Variants in ATP11C observed in about 807,000 individuals in gnomAD.
ATP11C encodes the protein phospholipid-transporting ATPase IG.
In ATP11C, 36 loss-of-function variants were observed where a neutral mutation model predicts 97.4. The ratio of observed to expected loss-of-function variants is 0.37; its 90% confidence interval spans 0.28 to 0.49. ATP11C has a LOEUF of 0.49. ATP11C is among the 20% of genes least tolerant of loss of function. ATP11C has a pLI of 0.98. For synonymous variants in ATP11C, 275 were observed against 290.9 expected (o/e 0.95, Z 0.56); for missense variants, 730 against 824.6 (o/e 0.89, Z 1.40).
At chrX:139,796,985 A>C (rs1296451627) in intron 11 of ATP11C, among the ~76,000 whole-genome samples, 191 bp downstream of exon 11, 3 of 110,332 alleles carry the variant, frequency 2.7e-5, no homozygotes, top group Admixed American at 9.6e-5. Context: ...TTTTTTTTAC[A>C]AAAAAAACTT....
At chrX:139,749,257 C>T (rs186830996) in intron 24 of ATP11C, among the ~76,000 whole-genome samples, 1 of 111,921 alleles carries the variant, frequency 8.9e-6, no homozygotes, top group African/African-American at 3.2e-5. Context: ...CTAACAATTG[C>T]TAAATGTAAA....
chrX:139,775,025 G>A (rs2082323191), intron 18 of ATP11C, 72 bp from the exon 19 acceptor site: 1 of 1,050,913 alleles, frequency 9.5e-7, no homozygotes, highest in African/African-American at 1.9e-5. Flanking sequence ...GCTTATTAAA[G>A]AGAATATTTT....
chrX:139,846,310 T>C (rs2083908032), intron 1 of ATP11C, among the ~76,000 whole-genome samples: 1 of 112,167 alleles, frequency 8.9e-6, no homozygotes, highest in African/African-American at 3.2e-5. Context: ...TAAGACTTTG[T>C]GGTATCAGTG....
chrX:139,805,307 T>C (rs774186673), intron 5 of ATP11C, among the ~76,000 whole-genome samples: 23 of 111,507 alleles, frequency 2.1e-4, no homozygotes, highest in Non-Finnish European at 3.2e-4. Context: ...CATTAAAAGT[T>C]TGGACTCTTT....
intron 1 of ATP11C, among the ~76,000 whole-genome samples, chrX:139,920,415 A>G (rs2085240630): frequency 9.1e-6 from 1 of 110,417 alleles, no homozygotes; most frequent in African/African-American, 3.3e-5. Context: ...CAAATCTTGA[A>G]AATATTACTA....
chrX:139,788,375 T>C lies in ATP11C; in HGVS notation c.1369-32A>G, dbSNP rs200622064. 9.8e-4 allele frequency: 1,132 copies of C among 1,158,969 alleles called. 2 individuals carry two copies. The highest frequency in any genetic ancestry group is 1.2e-3 in the Non-Finnish European group (1,007 of 852,598). Reference sequence around the variant, plus strand: ...AACAGCAACAAAATAATGATTATTATTTTTAATTTGATCACCCGGTAACTA... The same window carrying C: ...AACAGCAACAAAATAATGATTATTACTTTTAATTTGATCACCCGGTAACTA... On this transcript the variant is annotated intron_variant, in intron 13 of 29. Transcript: ENST00000682941.
At chrX:139,875,183 A>G (rs1007638022) in intron 1 of ATP11C, among the ~76,000 whole-genome samples, 3 of 111,327 alleles carry the variant, frequency 2.7e-5, no homozygotes, top group South Asian at 3.7e-4. Context: ...TCATCTGGCC[A>G]CTAAAGTTCT....
chrX:139,748,767 T>C (rs2081746713), intron 24 of ATP11C, among the ~76,000 whole-genome samples: 1 of 111,689 alleles, frequency 9.0e-6, no homozygotes, highest in Admixed American at 9.5e-5. Context: ...ACAACATAAA[T>C]AATCTGGTTT....
chrX:139,915,730 A>T (rs749923128), intron 1 of ATP11C, among the ~76,000 whole-genome samples: 1 of 112,187 alleles, frequency 8.9e-6, no homozygotes, highest in South Asian at 3.7e-4. Flanking sequence ...ATACTGGAGT[A>T]TTTTTTAATT....
intron 1 of ATP11C, among the ~76,000 whole-genome samples, chrX:139,919,168 G>A (rs1048041746): frequency 2.7e-5 from 3 of 109,124 alleles, no homozygotes; most frequent in Admixed American, 2.0e-4. Context: ...GCTTGAACCC[G>A]GGAGGCAGAC....
intron 1 of ATP11C, among the ~76,000 whole-genome samples, chrX:139,861,689 T>G (rs1334152558): frequency 2.7e-5 from 3 of 110,436 alleles, no homozygotes; most frequent in Non-Finnish European, 5.7e-5. Context: ...CTCTCAAGCC[T>G]GCATACCTAA....
chrX:139,863,715 C>T (rs2084239021), intron 1 of ATP11C, among the ~76,000 whole-genome samples: 1 of 109,691 alleles, frequency 9.1e-6, no homozygotes, highest in African/African-American at 3.3e-5. Context: ...AGTACATTTC[C>T]AAAGAATGTT....
At chrX:139,857,873 G>T (rs903576878) in intron 1 of ATP11C, among the ~76,000 whole-genome samples, 44 of 111,931 alleles carry the variant, frequency 3.9e-4, no homozygotes, top group African/African-American at 1.4e-3. Flanking sequence ...CAGGGCCTCA[G>T]GAACAGAAAG....
chrX:139,822,355 C>T (rs1417166540), intron 2 of ATP11C, among the ~76,000 whole-genome samples: 2 of 111,144 alleles, frequency 1.8e-5, no homozygotes, highest in Non-Finnish European at 3.8e-5. Flanking sequence ...CACCACCACA[C>T]CTGGCTAATT....
At chrX:139,905,760 A>C (rs746444601) in intron 1 of ATP11C, among the ~76,000 whole-genome samples, 57 of 112,128 alleles carry the variant, frequency 5.1e-4, no homozygotes, top group African/African-American at 1.8e-3. Context: ...TAAAGAAAAT[A>C]GTAAAAGGTT....
intron 22 of ATP11C, among the ~76,000 whole-genome samples, chrX:139,761,374 G>T (rs909161162): frequency 8.9e-6 from 1 of 111,922 alleles, no homozygotes; most frequent in Admixed American, 9.4e-5. Flanking sequence ...TATAAAAAAA[G>T]TACATATGTT....
Position 139,800,043 on chromosome X carries a change from A to C in ATP11C, c.710+17T>G, listed in dbSNP as rs2082894351. 1 of 612,028 alleles carries C rather than the reference A, an allele frequency of 1.6e-6. No individual in the cohort carries two copies. The allele number at this position is 612,028 out of a possible 1,213,427, so 50.4% of individuals were successfully genotyped here. A position where few individuals can be genotyped will look rare whatever the true frequency, so the allele number is the denominator to read the frequency against. On this transcript the variant is annotated intron_variant, in intron 8 of 29. Transcript: ENST00000682941. ...CCCCCCCAACCAAAGGACAAATTAA[A>C]GAAACAGCAAACTTACCTGGCAACA... is the stretch of plus-strand genomic sequence containing the variant.
intron 1 of ATP11C, among the ~76,000 whole-genome samples, chrX:139,875,106 T>C (rs1232299155): frequency 1.8e-5 from 2 of 111,561 alleles, no homozygotes; most frequent in African/African-American, 6.5e-5. Context: ...CCAAATGTCA[T>C]ATTCTCAGAA....
chrX:139,802,171 A>G, intron 7 of ATP11C, 65 bp downstream of exon 7: 2 of 822,135 alleles, frequency 2.4e-6, no homozygotes, highest in East Asian at 3.1e-5. Context: ...TTTCTTTTGC[A>G]ATACTATTAG....
Sources: allele counts gnomAD v4.1 joint callset (sites outside exome capture counted in the v4.1 genomes callset), GRCh38; gene constraint gnomAD v4.1.1; transcripts MANE v1.5; gene names NCBI Gene and HGNC (gene_info 2026-07-23, HGNC 2026-07-21).